SEMA6A: variants seen among roughly 807,000 people sequenced by gnomAD.
The protein encoded by SEMA6A is semaphorin 6A, also known as semaphorin-6A.
A neutral mutation model predicts 96.8 loss-of-function variants in SEMA6A; 25 were observed. That is an observed-to-expected ratio of 0.26 (90% CI 0.19 to 0.36). The LOEUF is 0.36. Ranked by LOEUF, SEMA6A falls within the 10% of genes least tolerant of loss-of-function variation. The probability of loss-of-function intolerance (pLI) is 1.00; values close to 1 mark genes in which losing one functional copy is unlikely to be tolerated. For synonymous variants in SEMA6A, 612 were observed against 518.0 expected, an observed-to-expected ratio of 1.18 and a Z score of -2.46; for missense variants, 1,363 against 1,323.1, an observed-to-expected ratio of 1.03 and a Z score of -0.47.
intron 1 of SEMA6A, among the ~76,000 whole-genome samples, chr5:116,511,821 T>C (rs1758418588): frequency 6.6e-6 from 1 of 152,190 alleles, no homozygotes; most frequent in African/African-American, 2.4e-5. Flanking sequence ...GCTTGCAGCC[T>C]CCCTCAACCG....
intron 1 of SEMA6A, among the ~76,000 whole-genome samples, chr5:116,513,753 T>A (rs1758531753): frequency 1.3e-5 from 2 of 152,148 alleles, no homozygotes; most frequent in African/African-American, 4.8e-5. Context: ...ATCCACGAGC[T>A]ATTCTTCCCG....
chr5:116,541,371 T>G (rs1202817516), intron 1 of SEMA6A, among the ~76,000 whole-genome samples: 1 of 151,608 alleles, frequency 6.6e-6, no homozygotes, highest in African/African-American at 2.4e-5. Context: ...TTACTAACAT[T>G]CAATAACACT....
chr5:116,514,412 T>C (rs559172747), intron 1 of SEMA6A, among the ~76,000 whole-genome samples: 14 of 152,352 alleles, frequency 9.2e-5, no homozygotes, highest in African/African-American at 3.4e-4. Context: ...TGGCCACATG[T>C]ATGTCTTCTT....
intron 1 of SEMA6A, among the ~76,000 whole-genome samples, chr5:116,551,770 G>C (rs17140097): frequency 1.4e-4 from 22 of 152,270 alleles, no homozygotes; most frequent in South Asian, 2.1e-4. Context: ...CTCAGAGGTC[G>C]TAATCACAAC....
At chr5:116,476,210 C>G (rs1756439338) in intron 15 of SEMA6A, among the ~76,000 whole-genome samples, 2 of 152,136 alleles carry the variant, frequency 1.3e-5, no homozygotes, top group African/African-American at 4.8e-5. Context: ...ATGTTTCTTC[C>G]AAGTCTACTA....
intron 17 of SEMA6A, chr5:116,472,767 TTG>T: frequency 1.4e-6 from 1 of 696,926 alleles, no homozygotes; most frequent in South Asian, 2.5e-5. Context: ...TTTTAGTGAA[TTG>T]GGGCCCTAAA....
intron 1 of SEMA6A, among the ~76,000 whole-genome samples, chr5:116,541,921 G>A (rs76674444): frequency 6.6e-5 from 10 of 152,288 alleles, no homozygotes; most frequent in South Asian, 2.1e-4. Flanking sequence ...GAAAAAGAAC[G>A]TAAGTTCTTT....
At chr5:116,489,783 A>G (rs1001198754) in intron 7 of SEMA6A, among the ~76,000 whole-genome samples, 1 of 152,226 alleles carries the variant, frequency 6.6e-6, no homozygotes, top group Admixed American at 6.5e-5. Context: ...AATAAAGCAG[A>G]CTGAAGATTA....
intron 18 of SEMA6A, among the ~76,000 whole-genome samples, chr5:116,450,120 C>T (rs1300586028): frequency 3.9e-5 from 6 of 152,218 alleles, no homozygotes; most frequent in Non-Finnish European, 8.8e-5. Context: ...TTCTACCGAA[C>T]ACCGTTTTTA....
rs115890671 is a variant in SEMA6A, at chr5:116,494,257, G to T, written c.444+1156C>A. Reference sequence around the variant, plus strand: ...AGGCCATTTCTTACTCCATGCCTTTGTTCATGCTGTTCCCTGCTAACTGGA... The same window carrying T: ...AGGCCATTTCTTACTCCATGCCTTTTTTCATGCTGTTCCCTGCTAACTGGA... On this transcript the variant is annotated intron_variant, in intron 6 of 18. Coordinates refer to ENST00000343348, the MANE Select transcript of SEMA6A (RefSeq NM_020796.5). Among the ~76,000 whole-genome samples, 38 of 152,312 alleles carry T rather than the reference G, an allele frequency of 2.5e-4. 1 individual carries two copies. In the South Asian group the frequency reaches 7.9e-3, roughly 32 times the overall value.
At chr5:116,450,013 G>C (rs1258718919) in intron 18 of SEMA6A, among the ~76,000 whole-genome samples, 1 of 152,172 alleles carries the variant, frequency 6.6e-6, no homozygotes, top group African/African-American at 2.4e-5. Flanking sequence ...TATTCACCAA[G>C]GAAATGTGCT....
chr5:116,477,982 C>G (rs762450490), intron 14 of SEMA6A, 32 bp downstream of exon 14: 2 of 1,613,930 alleles, frequency 1.2e-6, no homozygotes, highest in Admixed American at 1.7e-5. Context: ...CCACCATGGA[C>G]TTTCTAATTG....
At chr5:116,464,755 GAA>G (rs1418802376) in intron 18 of SEMA6A, among the ~76,000 whole-genome samples, 1 of 152,306 alleles carries the variant, frequency 6.6e-6, no homozygotes, top group East Asian at 1.9e-4. Flanking sequence ...GCAAGGAAAA[GAA>G]AGAAAAACGC....
chr5:116,504,347 AAC>A (rs1758038879), intron 2 of SEMA6A, among the ~76,000 whole-genome samples: 1 of 152,196 alleles, frequency 6.6e-6, no homozygotes, highest in Admixed American at 6.5e-5. Flanking sequence ...GAAAGTTATA[AAC>A]AGTTAAAATG....
intron 16 of SEMA6A, among the ~76,000 whole-genome samples, chr5:116,473,446 C>CACTT (rs1349547298): frequency 6.6e-6 from 1 of 152,236 alleles, no homozygotes; most frequent in African/African-American, 2.4e-5. Context: ...ACCTGGACCA[C>CACTT]ACTTACAAAG....
chr5:116,509,607 T>TGAGAGG (rs1554088478), intron 1 of SEMA6A, among the ~76,000 whole-genome samples: 1 of 150,444 alleles, frequency 6.6e-6, no homozygotes, highest in East Asian at 2.0e-4. Context: ...TCTGTGTGTG[T>TGAGAGG]GAGAGAGAGA....
At chr5:116,572,254 T>C (rs1206341804) in intron 1 of SEMA6A, among the ~76,000 whole-genome samples, 2 of 152,210 alleles carry the variant, frequency 1.3e-5, no homozygotes, top group Admixed American at 1.3e-4. Flanking sequence ...TGCACGCCTG[T>C]GTTTTAAACC....
chr5:116,459,922 A>C (rs1186907141), intron 18 of SEMA6A, among the ~76,000 whole-genome samples: 1 of 152,202 alleles, frequency 6.6e-6, no homozygotes, highest in Non-Finnish European at 1.5e-5. Context: ...TTTCTGTTGA[A>C]TGCAGGAAAA....
rs1277429575 is a variant in SEMA6A, at chr5:116,480,175, A to T, written c.1197T>A (p.Asp399Glu). Reference protein sequence around the residue: ...LNFIKTHPLMDEAVPSIFNRP... With the variant: ...LNFIKTHPLMEEAVPSIFNRP... ...TGTTGAAGATGGAGGGCACTGCCTC[A>T]TCCATGAGCGGGTGCGTCTTGATGA... The change falls in exon 12 of 19, where the codon GAT becomes GAA. Residue 399 changes from aspartate to glutamate, a missense_variant. By Grantham distance (45) the Asp-to-Glu change is conservative. Transcript: ENST00000343348. The T allele has an allele frequency of 6.2e-7, 1 of 1,613,884 alleles. No individual in the cohort carries two copies. The highest frequency in any genetic ancestry group is 1.7e-5 in the Admixed American group (1 of 59,996).
Sources: allele counts gnomAD v4.1 joint callset (sites outside exome capture counted in the v4.1 genomes callset), GRCh38; gene constraint gnomAD v4.1.1; transcripts MANE v1.5; gene names NCBI Gene and HGNC (gene_info 2026-07-23, HGNC 2026-07-21).